Variants in TRIO observed in about 807,000 individuals in gnomAD.
TRIO encodes the protein triple functional domain protein.
A neutral mutation model predicts 351.9 loss-of-function variants in TRIO; 58 were observed. The ratio of observed to expected loss-of-function variants is 0.16; its 90% confidence interval spans 0.13 to 0.21. TRIO has a LOEUF of 0.21. Ranked by LOEUF, TRIO falls within the 10% of genes least tolerant of loss-of-function variation. TRIO has a pLI of 1.00. For missense variants in TRIO, 3,201 were observed against 4,027.8 expected (o/e 0.79, Z 5.56); for synonymous variants, 1,758 against 1,595.7 (o/e 1.10, Z -2.42).
rs70964545 is a variant in TRIO, at chr5:14,207,463, TACAC to T, written c.158-63334_158-63331del. 5.6e-3 allele frequency among the ~76,000 whole-genome samples: 129 copies of T among 23,114 alleles called. 6 individuals are homozygous for T. The highest frequency in any genetic ancestry group is 8.2e-3 in the African/African-American group (58 of 7,050). The allele number at this position is 23,114 out of a possible 152,430, so 15.2% of individuals were successfully genotyped here. The stretch of plus-strand genomic sequence containing the variant: ...AGGTAGCATAGCAAGACTGTCTCTC[TACAC>T]ACACACACACACACACACACACACA... On this transcript the variant is annotated intron_variant, in intron 1 of 56. Transcript: ENST00000344204.
chr5:14,503,819 ACCCACCTCAGGCC>A (rs1436765632), intron 54 of TRIO, among the ~76,000 whole-genome samples: 1 of 152,150 alleles, frequency 6.6e-6, no homozygotes, highest in Non-Finnish European at 1.5e-5. Flanking sequence ...GAATGCACTC[ACCCACCTCAGGCC>A]CCCAGCCCAG....
intron 1 of TRIO, among the ~76,000 whole-genome samples, chr5:14,182,874 C>CG (rs1209494682): frequency 6.4e-5 from 1 of 15,732 alleles, no homozygotes. Context: ...CCCCCCCCCT[C>CG]CACTTTGCCG....
chr5:14,421,807 CAG>C (rs938793915), intron 34 of TRIO, among the ~76,000 whole-genome samples: 2 of 152,010 alleles, frequency 1.3e-5, no homozygotes, highest in African/African-American at 4.8e-5. Context: ...GTCTAGGAGA[CAG>C]AGGCCATCAT....
chr5:14,206,783 A>T (rs898740825), intron 1 of TRIO, among the ~76,000 whole-genome samples: 1 of 152,198 alleles, frequency 6.6e-6, no homozygotes, highest in African/African-American at 2.4e-5. Context: ...AAAGAGAATA[A>T]AACTTCCTAG....
intron 8 of TRIO, among the ~76,000 whole-genome samples, chr5:14,307,163 C>T (rs1055925823): frequency 2.6e-5 from 4 of 152,114 alleles, no homozygotes; most frequent in Non-Finnish European, 5.9e-5. Flanking sequence ...TTGCCTCGAC[C>T]CAGATTTTCC....
intron 10 of TRIO, among the ~76,000 whole-genome samples, chr5:14,334,558 A>G (rs2152317896): frequency 6.6e-6 from 1 of 152,340 alleles, no homozygotes; most frequent in South Asian, 2.1e-4. Flanking sequence ...ACCAAATATG[A>G]GAAGTCCACA....
At chr5:14,211,993 A>T (rs1165485267) in intron 1 of TRIO, among the ~76,000 whole-genome samples, 1 of 151,682 alleles carries the variant, frequency 6.6e-6, no homozygotes, top group African/African-American at 2.4e-5. Context: ...AAACAAAAAA[A>T]CCAGGCATGG....
chr5:14,193,326 G>C (rs956741252), intron 1 of TRIO, among the ~76,000 whole-genome samples: 3 of 152,160 alleles, frequency 2.0e-5, no homozygotes, highest in Admixed American at 6.5e-5. Context: ...CACATATACA[G>C]ATAAAATACT....
At chr5:14,203,408 T>A (rs983844392) in intron 1 of TRIO, among the ~76,000 whole-genome samples, 1 of 152,200 alleles carries the variant, frequency 6.6e-6, no homozygotes, top group African/African-American at 2.4e-5. Context: ...TTACAAAACA[T>A]CATCATCATT....
At chr5:14,148,806 C>T (rs943218669) in intron 1 of TRIO, among the ~76,000 whole-genome samples, 1 of 152,194 alleles carries the variant, frequency 6.6e-6, no homozygotes, top group Non-Finnish European at 1.5e-5. Flanking sequence ...TGTGGTTGGC[C>T]TGGTGGATGG....
At chr5:14,460,888 C>A (rs1402824827) in intron 34 of TRIO, 131 bp from the exon 35 acceptor site, 2 of 1,077,594 alleles carry the variant, frequency 1.9e-6, no homozygotes, top group African/African-American at 1.6e-5. Flanking sequence ...CATCTCACAC[C>A]CCGTAGGCAA....
In TRIO at chr5:14,274,478, A is replaced by T. The variant is rs1042585396; in HGVS notation, c.232+3579A>T. ...ATTAGGAGAGTCTTGTCTTATTTTT[A>T]TGGTGTTCATTGATGATTATTGCTT... On this transcript the variant is annotated intron_variant, in intron 2 of 56. Transcript: ENST00000344204. Among the ~76,000 whole-genome samples, 8 of 152,154 alleles carry T rather than the reference A, an allele frequency of 5.3e-5. No homozygotes were observed. The East Asian group carries it at 1.5e-3, about 29-fold the overall frequency.
At chr5:14,479,783 G>A (rs571633946) in intron 42 of TRIO, 136 bp from the exon 43 acceptor site, 14 of 696,220 alleles carry the variant, frequency 2.0e-5, no homozygotes, top group Non-Finnish European at 3.0e-5. Context: ...AACTAGCAAA[G>A]CTCTAGTTAG....
intron 34 of TRIO, among the ~76,000 whole-genome samples, chr5:14,445,197 C>T (rs1168715808): frequency 6.6e-6 from 1 of 152,168 alleles, no homozygotes; most frequent in Non-Finnish European, 1.5e-5. Context: ...TGGAATTCAT[C>T]CATGGAGTCT....
In TRIO at chr5:14,411,088, G is replaced by A. The variant is rs543164661; in HGVS notation, c.4959+4416G>A. 2.0e-5 allele frequency among the ~76,000 whole-genome samples: 3 copies of A among 152,298 alleles called. No individual in the cohort carries two copies. In the East Asian group the frequency reaches 5.8e-4, roughly 29 times the overall value. On this transcript the variant is annotated intron_variant, in intron 33 of 56. Transcript: ENST00000344204. ...GGTAGGGAGGAGAGCGCTGAGCCGG[G>A]CCTGGGGCACTGCAGGAGATCCAGG...
rs553519535 is a variant in TRIO at position 14,381,016 on chromosome 5, C to T, written c.3448-114C>T. On this transcript the variant is annotated intron_variant, in intron 20 of 56. Coordinates refer to ENST00000344204, the MANE Select transcript of TRIO (RefSeq NM_007118.4). ...CTTGCCTCTCTGGGAGGGAATGCTT[C>T]TCGATGCTGCCAGCCTTGGTTTGTG... 135 of 1,374,418 alleles carry T rather than the reference C, an allele frequency of 9.8e-5. No individual in the cohort carries two copies. The African/African-American group carries it at 1.8e-3, about 19-fold the overall frequency. 85.1% of individuals were successfully genotyped at this position (1,374,418 alleles called of 1,614,324 possible).
chr5:14,342,909 T>A (rs1287916604), intron 11 of TRIO, among the ~76,000 whole-genome samples: 1 of 152,214 alleles, frequency 6.6e-6, no homozygotes, highest in Non-Finnish European at 1.5e-5. Context: ...CTCCTCAACT[T>A]ACATGTGTGA....
Position 14,508,458 on chromosome 5 carries a change from G to A in TRIO, c.*36G>A. On this transcript the variant is annotated 3_prime_UTR_variant, in exon 57 of 57. Transcript: ENST00000344204. ...AGTTCTTTCTCATTCTCTTTCACCTGCCAATCAGCTGTTAATCTGAATTTT... is the reference window on the plus strand; with the variant it reads ...AGTTCTTTCTCATTCTCTTTCACCTACCAATCAGCTGTTAATCTGAATTTT... 1 of 1,545,590 alleles carries A rather than the reference G, an allele frequency of 6.5e-7. No individual in the cohort carries two copies. The highest frequency in any genetic ancestry group is 1.4e-5 in the African/African-American group (1 of 72,708).
intron 1 of TRIO, among the ~76,000 whole-genome samples, chr5:14,190,397 C>T (rs750684762): frequency 5.9e-5 from 9 of 152,168 alleles, no homozygotes; most frequent in Admixed American, 2.0e-4. Context: ...ACCACATATG[C>T]AGATACTGAA....
Sources: gnomAD v4.1 joint callset for allele counts (sites outside exome capture counted in the v4.1 genomes callset) on GRCh38, gnomAD v4.1.1 for gene constraint, MANE v1.5 for transcripts, NCBI Gene and HGNC (gene_info 2026-07-23, HGNC 2026-07-21) for gene names.